Variants in SEMA3C observed in about 807,000 individuals in gnomAD.
SEMA3C encodes the protein semaphorin-3C.
A neutral mutation model predicts 89.4 loss-of-function variants in SEMA3C; 47 were observed. The ratio of observed to expected loss-of-function variants is 0.53; its 90% CI spans 0.42 to 0.67. The LOEUF (loss-of-function observed/expected upper bound fraction) is 0.67. Among genes scored for constraint, SEMA3C ranks in the 30% least tolerant of loss-of-function variants. SEMA3C has a pLI of 0.00. For missense variants in SEMA3C, 839 were observed against 929.1 expected (o/e 0.90, Z 1.26); for synonymous variants, 310 against 320.2 (o/e 0.97, Z 0.34).
chr7:80,783,414 A>T (rs1788733356), intron 12 of SEMA3C, among the ~76,000 whole-genome samples: 1 of 152,154 alleles, frequency 6.6e-6, no homozygotes, highest in Non-Finnish European at 1.5e-5. Context: ...TCCCTGTAGA[A>T]TCTATGGTAA....
At chr7:80,749,057 G>C (rs770901653) in intron 16 of SEMA3C, 29 bp from the exon 17 acceptor site, 1 of 1,572,384 alleles carries the variant, frequency 6.4e-7, no homozygotes, top group South Asian at 1.2e-5. Context: ...AGGCGAGAGA[G>C]AAAGAAAGAA....
chr7:80,810,775 A>G lies in SEMA3C; in HGVS notation c.448-74T>C. The G allele has an allele frequency of 9.6e-6, 11 of 1,142,314 alleles. No homozygotes were observed. The South Asian group carries it at 1.4e-4, about 14-fold the overall frequency. The allele number at this position is 1,142,314 out of a possible 1,614,324, so 70.8% of individuals were successfully genotyped here. A position where few individuals can be genotyped will look rare whatever the true frequency, so the allele number is the denominator to read the frequency against. The stretch of plus-strand genomic sequence containing the variant: ...GAAGACAATTGTTCATTAGTAAAAC[A>G]AAGCATCATTAAAATTAATATGCTT... On this transcript the variant is annotated intron_variant, in intron 5 of 17. Transcript: ENST00000265361.
At chr7:80,769,578 G>A (rs942252281) in intron 12 of SEMA3C, among the ~76,000 whole-genome samples, 1 of 152,076 alleles carries the variant, frequency 6.6e-6, no homozygotes, top group African/African-American at 2.4e-5. Context: ...GATAATGCAG[G>A]CCGGGCACAG....
At chr7:80,800,101 C>T (rs1292250319) in intron 10 of SEMA3C, among the ~76,000 whole-genome samples, 12 of 138,610 alleles carry the variant, frequency 8.7e-5, no homozygotes, top group African/African-American at 2.2e-4. Flanking sequence ...TGCAGTGAGC[C>T]GAGATCGCAC....
chr7:80,905,433 G>T (rs1396858985), intron 2 of SEMA3C, among the ~76,000 whole-genome samples: 1 of 151,892 alleles, frequency 6.6e-6, no homozygotes, highest in African/African-American at 2.4e-5. Flanking sequence ...TTGACGATTA[G>T]AAGTCAGCCT....
At chr7:80,802,597 C>T (rs1333232017) in intron 9 of SEMA3C, 68 bp downstream of exon 9, 1 of 953,868 alleles carries the variant, frequency 1.0e-6, no homozygotes, top group Non-Finnish European at 1.6e-6. Context: ...TCTTTTGAGA[C>T]CTTATTTAAA....
At chr7:80,895,415 T>C (rs531652266) in intron 2 of SEMA3C, among the ~76,000 whole-genome samples, 2 of 152,316 alleles carry the variant, frequency 1.3e-5, no homozygotes, top group East Asian at 3.9e-4. Flanking sequence ...GTTTCTCCTA[T>C]GTAAACTGAC....
chr7:80,789,556 T>C lies in SEMA3C; in HGVS notation c.1132-28A>G, dbSNP rs1583879429. ...AGAAAGAAAGTTTTAAAGAACCAAG[T>C]TAATAAAATAGTTGTCTTGTTCTAG... On this transcript the variant is annotated intron_variant, in intron 11 of 17. Transcript: ENST00000265361. 9 of 1,461,786 alleles carry C rather than the reference T, an allele frequency of 6.2e-6. No individual in the cohort carries two copies. In the East Asian group the frequency reaches 2.2e-4, roughly 35 times the overall value. The allele number at this position is 1,461,786 out of a possible 1,614,324, so 90.6% of individuals were successfully genotyped here. A position where few individuals can be genotyped will look rare whatever the true frequency, so the allele number is the denominator to read the frequency against.
At chr7:80,775,449 T>C (rs899231325) in intron 12 of SEMA3C, among the ~76,000 whole-genome samples, 2 of 152,168 alleles carry the variant, frequency 1.3e-5, no homozygotes, top group East Asian at 3.8e-4. Context: ...AACAGACCTA[T>C]ATGTGATATC....
rs1358773961 is a variant in SEMA3C, at chr7:80,758,389, C to G, written c.1585G>C (p.Asp529His). ...TGGCCATCCCAGGCGCAATAAGGGTCCCGCGCCAGGCAGCAGTCAGCACAG... is the reference window on the plus strand; with the variant it reads ...TGGCCATCCCAGGCGCAATAAGGGTGCCGCGCCAGGCAGCAGTCAGCACAG... ...TACADCCLAR[D>H]PYCAWDGHSC... Residue 529 changes from aspartate to histidine, a missense_variant, in exon 15 of 18, where the codon GAC (aspartate) becomes CAC (histidine). Transcript: ENST00000265361. 1 of 1,614,030 alleles carries G rather than the reference C, an allele frequency of 6.2e-7. No homozygotes were observed. The highest frequency in any genetic ancestry group is 8.5e-7 in the Non-Finnish European group (1 of 1,180,000).
intron 2 of SEMA3C, among the ~76,000 whole-genome samples, chr7:80,841,699 C>A (rs1225389440): frequency 6.6e-6 from 1 of 152,138 alleles, no homozygotes; most frequent in Non-Finnish European, 1.5e-5. Flanking sequence ...AGCAAAAATT[C>A]TTGAACTATG....
rs1177797475 is a variant in SEMA3C at position 80,800,785 on chromosome 7, GTGT to G, written c.955_957del (p.Thr319del). On this transcript the variant is annotated inframe_deletion, in exon 10 of 18. Coordinates refer to ENST00000265361, the MANE Select transcript of SEMA3C (RefSeq NM_006379.5). Reference sequence around the variant, plus strand: ...GATGTTGTAAAAATGCCATACACTAGTGTTGTCCTCGGGTTATCAGTTTCCAGC... The same window carrying G: ...GATGTTGTAAAAATGCCATACACTAGTGTCCTCGGGTTATCAGTTTCCAGC... 9.2e-6 allele frequency: 14 copies of G among 1,529,064 alleles called. No individual in the cohort carries two copies. Among genetic ancestry groups the G allele is most frequent in the Non-Finnish European group, 1.2e-5 (14 of 1,142,484 alleles). 94.7% of individuals were successfully genotyped at this position (1,529,064 alleles called of 1,614,324 possible). A position where few individuals can be genotyped will look rare whatever the true frequency, so the allele number is the denominator to read the frequency against.
At chr7:80,828,061 G>T (rs1402937491) in intron 3 of SEMA3C, among the ~76,000 whole-genome samples, 1 of 151,982 alleles carries the variant, frequency 6.6e-6, no homozygotes, top group Non-Finnish European at 1.5e-5. Context: ...TCAGTCCATT[G>T]CCTGTGTTAA....
intron 2 of SEMA3C, among the ~76,000 whole-genome samples, chr7:80,841,163 C>T (rs900438947): frequency 6.6e-5 from 10 of 151,946 alleles, no homozygotes; most frequent in South Asian, 2.1e-4. Context: ...GAAACAAATC[C>T]GAGCAAGTAC....
intron 6 of SEMA3C, among the ~76,000 whole-genome samples, chr7:80,808,054 T>C (rs1789382810): frequency 6.6e-6 from 1 of 152,158 alleles, no homozygotes; most frequent in African/African-American, 2.4e-5. Flanking sequence ...AACATGAGCA[T>C]AGGAATTCAA....
intron 15 of SEMA3C, among the ~76,000 whole-genome samples, chr7:80,754,696 A>AT (rs1035820480): frequency 6.6e-6 from 1 of 152,124 alleles, no homozygotes; most frequent in Non-Finnish European, 1.5e-5. Context: ...GCTCAGGCAT[A>AT]TTTTTTATAT....
chr7:80,869,190 C>T (rs147408786), intron 2 of SEMA3C, among the ~76,000 whole-genome samples: 341 of 152,198 alleles, frequency 2.2e-3, no homozygotes, highest in African/African-American at 7.7e-3. Context: ...ACTCCTCTTC[C>T]ACACACACAG....
intron 2 of SEMA3C, among the ~76,000 whole-genome samples, chr7:80,846,617 C>T (rs1790397286): frequency 6.6e-6 from 1 of 152,276 alleles, no homozygotes; most frequent in Admixed American, 6.5e-5. Flanking sequence ...AGGTGTGAGC[C>T]ACCGTGCCCA....
rs1789489666 is a variant in SEMA3C, at chr7:80,812,412, A to G, written c.448-1711T>C. Among the ~76,000 whole-genome samples the G allele has an allele frequency of 2.0e-5, 3 of 152,224 alleles. No homozygotes were observed. The South Asian group carries it at 6.2e-4, about 32-fold the overall frequency. ...ACTCCTAGTGAATCCGATTTCCAAAAGATCTTCATTCATGTAACCACTAAA... is the reference window on the plus strand; with the variant it reads ...ACTCCTAGTGAATCCGATTTCCAAAGGATCTTCATTCATGTAACCACTAAA... On this transcript the variant is annotated intron_variant, in intron 5 of 17. Coordinates refer to ENST00000265361, the MANE Select transcript of SEMA3C (RefSeq NM_006379.5).
Sources: gnomAD v4.1 joint callset for allele counts (sites outside exome capture counted in the v4.1 genomes callset) on GRCh38, gnomAD v4.1.1 for gene constraint, MANE v1.5 for transcripts, NCBI Gene and HGNC (gene_info 2026-07-23, HGNC 2026-07-21) for gene names.